KAT6B: variants seen among roughly 807,000 people sequenced by gnomAD.
KAT6B encodes lysine acetyltransferase 6B.
A neutral mutation model predicts 187.5 loss-of-function variants in KAT6B; 10 were observed. The ratio of observed to expected loss-of-function variants is 0.05; its 90% CI spans 0.03 to 0.09. KAT6B has a LOEUF of 0.09. KAT6B is among the 10% of genes least tolerant of loss of function. KAT6B has a pLI of 1.00. For synonymous variants in KAT6B, 861 were observed against 926.8 expected, an observed-to-expected ratio of 0.93 and a Z score of 1.29; for missense variants, 1,952 against 2,558.9, an observed-to-expected ratio of 0.76 and a Z score of 5.12.
chr10:74,971,708 C>T (rs896194272), intron 6 of KAT6B, among the ~76,000 whole-genome samples: 1 of 151,938 alleles, frequency 6.6e-6, no homozygotes, highest in Non-Finnish European at 1.5e-5. Flanking sequence ...TTATTTATGG[C>T]TTCAGTTTTA....
intron 3 of KAT6B, among the ~76,000 whole-genome samples, chr10:74,957,895 A>G (rs567466271): frequency 4.4e-4 from 67 of 152,362 alleles, no homozygotes; most frequent in African/African-American, 1.6e-3. Flanking sequence ...AACTGTGGCT[A>G]CAGTCAGTGA....
intron 4 of KAT6B, among the ~76,000 whole-genome samples, chr10:74,963,973 A>G (rs933992170): frequency 5.9e-5 from 9 of 152,190 alleles, no homozygotes; most frequent in African/African-American, 1.4e-4. Context: ...AAAAAAGGAA[A>G]AAAAAAAAAT....
intron 13 of KAT6B, among the ~76,000 whole-genome samples, chr10:75,015,468 GC>G (rs1350388463): frequency 2.0e-5 from 3 of 152,172 alleles, no homozygotes; most frequent in Admixed American, 6.5e-5. Flanking sequence ...GATATAAATA[GC>G]CTGTCAAGTT....
intron 3 of KAT6B, among the ~76,000 whole-genome samples, chr10:74,920,017 T>C (rs78046293): frequency 0.024 from 3,725 of 152,326 alleles, 155 homozygotes; most frequent in African/African-American, 0.085. Context: ...CTGAAGTTCC[T>C]GTGGGTCTTC....
At position 74,880,807 on chromosome 10, in the gene KAT6B, G is replaced by A. The variant is rs1844793173; in HGVS notation, c.621+37329G>A. 2.0e-5 allele frequency among the ~76,000 whole-genome samples: 3 copies of A among 152,122 alleles called. No homozygotes were observed. The South Asian group carries it at 6.2e-4, about 32-fold the overall frequency. On this transcript the variant is annotated intron_variant, in intron 3 of 17. Transcript: ENST00000287239. ...ATTGTTGTATTTTTAGTAGAGACGG[G>A]GTTTCACCATGTTGGCCAGGCTGGT...
chr10:75,014,157 A>T (rs1844814742), intron 13 of KAT6B, among the ~76,000 whole-genome samples: 1 of 152,180 alleles, frequency 6.6e-6, no homozygotes. Context: ...ATATCACAGC[A>T]GACTCAATAC....
chr10:75,021,375 C>G (rs887687173), intron 15 of KAT6B, 90 bp downstream of exon 15: 1 of 1,366,036 alleles, frequency 7.3e-7, no homozygotes, highest in Admixed American at 1.7e-5. Flanking sequence ...TTGTCAAAAG[C>G]TTGGTTATGT....
At chr10:74,973,196 C>T (rs1398941000) in intron 7 of KAT6B, among the ~76,000 whole-genome samples, 2 of 152,134 alleles carry the variant, frequency 1.3e-5, no homozygotes, top group African/African-American at 2.4e-5. Context: ...CTAGTGCAGA[C>T]ATATATATAA....
At chr10:74,995,492 C>T (rs1399154929) in intron 13 of KAT6B, among the ~76,000 whole-genome samples, 1 of 152,194 alleles carries the variant, frequency 6.6e-6, no homozygotes, top group Admixed American at 6.5e-5. Context: ...CTGCAGGTCT[C>T]CAATCTCATT....
At chr10:74,870,439 C>T (rs994280561) in intron 3 of KAT6B, among the ~76,000 whole-genome samples, 1 of 152,156 alleles carries the variant, frequency 6.6e-6, no homozygotes, top group Non-Finnish European at 1.5e-5. Flanking sequence ...ACATCTTAAT[C>T]TAGGATGAGC....
At chr10:74,898,556 CTT>C (rs1486094101) in intron 3 of KAT6B, among the ~76,000 whole-genome samples, 1 of 151,994 alleles carries the variant, frequency 6.6e-6, no homozygotes, top group Non-Finnish European at 1.5e-5. Context: ...TCACTGCCCT[CTT>C]ATATAGTGGA....
chr10:74,972,724 G>A, intron 7 of KAT6B, 85 bp downstream of exon 7: 1 of 1,274,182 alleles, frequency 7.8e-7, no homozygotes. Flanking sequence ...TCCTTTAGGG[G>A]TTTTTTGGCA....
intron 3 of KAT6B, among the ~76,000 whole-genome samples, chr10:74,914,825 T>G (rs941098359): frequency 6.6e-6 from 1 of 152,088 alleles, no homozygotes; most frequent in Non-Finnish European, 1.5e-5. Flanking sequence ...GTGCGGTGGC[T>G]TCATGCCTGT....
intron 3 of KAT6B, among the ~76,000 whole-genome samples, chr10:74,937,772 C>G (rs1208893490): frequency 6.6e-6 from 1 of 152,214 alleles, no homozygotes; most frequent in Non-Finnish European, 1.5e-5. Context: ...AGTAAGTGCT[C>G]TTAAATGTTT....
intron 15 of KAT6B, 83 bp downstream of exon 15, chr10:75,021,368 T>C: frequency 6.9e-7 from 1 of 1,449,950 alleles, no homozygotes; most frequent in Non-Finnish European, 9.6e-7. Flanking sequence ...AAGATCGTTG[T>C]CAAAAGCTTG....
rs1454913986 is a variant in KAT6B at position 74,843,227 on chromosome 10, T to C, written c.370T>C (p.Ser124Pro). 1.4e-5 allele frequency: 22 copies of C among 1,614,082 alleles called. No individual in the cohort carries two copies. Among genetic ancestry groups the C allele is most frequent in the Non-Finnish European group, 1.8e-5 (21 of 1,180,054 alleles). ...TGAAGGACTTGAGGAGCCGAATGGCTCCTCCCTGAAGAACATAGAGAAGTA... is the reference window on the plus strand; with the variant it reads ...TGAAGGACTTGAGGAGCCGAATGGCCCCTCCCTGAAGAACATAGAGAAGTA... ...AIEGLEEPNGSSLKNIEKYLR... is the reference protein window; with the variant it reads ...AIEGLEEPNGPSLKNIEKYLR... The change falls in exon 3 of 18, where the codon TCC becomes CCC. Residue 124 changes from serine to proline, a missense_variant. Coordinates refer to ENST00000287239, the MANE Select transcript of KAT6B (RefSeq NM_012330.4).
intron 3 of KAT6B, among the ~76,000 whole-genome samples, chr10:74,954,108 A>C (rs962597301): frequency 2.6e-5 from 4 of 152,280 alleles, no homozygotes; most frequent in African/African-American, 9.6e-5. Flanking sequence ...CAGATCCCCA[A>C]ATTGTGTGAG....
chr10:74,979,130 C>T (rs1842349083), intron 9 of KAT6B, 94 bp from the exon 10 acceptor site: 1 of 817,554 alleles, frequency 1.2e-6, no homozygotes, highest in Non-Finnish European at 2.1e-6. Context: ...GATTAGTGTT[C>T]TGATCTTGAT....
At chr10:74,960,903 TATC>T (rs1277350804) in intron 4 of KAT6B, among the ~76,000 whole-genome samples, 2 of 152,212 alleles carry the variant, frequency 1.3e-5, no homozygotes, top group African/African-American at 4.8e-5. Flanking sequence ...TTTAAAATCT[TATC>T]ATCACTTATG....
Sources: gnomAD v4.1 joint callset for allele counts (sites outside exome capture counted in the v4.1 genomes callset) on GRCh38, gnomAD v4.1.1 for gene constraint, MANE v1.5 for transcripts, NCBI Gene and HGNC (gene_info 2026-07-23, HGNC 2026-07-21) for gene names.